Variants in KCNIP4 observed in about 807,000 individuals in gnomAD.
KCNIP4 encodes Kv channel-interacting protein 4.
A neutral mutation model predicts 34.0 loss-of-function variants in KCNIP4; 12 were observed. That is an observed-to-expected ratio of 0.35 (90% CI 0.23 to 0.57). The LOEUF is 0.57. Among genes scored for constraint, KCNIP4 ranks in the 20% least tolerant of loss-of-function variants. The pLI, the probability that KCNIP4 is intolerant of heterozygous loss-of-function variation, is 0.83. For missense variants in KCNIP4, 238 were observed against 311.7 expected, an observed-to-expected ratio of 0.76 and a Z score of 1.78; for synonymous variants, 124 against 102.2, an observed-to-expected ratio of 1.21 and a Z score of -1.29.
rs528849225 is a variant in KCNIP4, at chr4:21,487,784, T to C, written c.61+460787A>G. On this transcript the variant is annotated intron_variant, in intron 1 of 8. Coordinates refer to ENST00000382152, the MANE Select transcript of KCNIP4 (RefSeq NM_025221.6). ...CACATAGCTTATTTTATTGTGCAAA[T>C]TATCCCACCTTTGGTAGTTAGGAGC... Among the ~76,000 whole-genome samples the C allele has an allele frequency of 2.0e-5, 3 of 152,328 alleles. No homozygotes were observed. The East Asian group carries it at 5.8e-4, about 29-fold the overall frequency.
chr4:20,876,180 C>T (rs1724006137), intron 2 of KCNIP4, among the ~76,000 whole-genome samples: 1 of 151,980 alleles, frequency 6.6e-6, no homozygotes, highest in South Asian at 2.1e-4. Flanking sequence ...TGAACACATA[C>T]AAATATACAG....
At chr4:21,891,307 C>T (rs187035387) in intron 1 of KCNIP4, among the ~76,000 whole-genome samples, 1 of 152,088 alleles carries the variant, frequency 6.6e-6, no homozygotes, top group Non-Finnish European at 1.5e-5. Context: ...CTCACCTCCC[C>T]CCTTGCTCCT....
chr4:20,889,507 G>A (rs1207479300), intron 1 of KCNIP4, among the ~76,000 whole-genome samples: 1 of 152,048 alleles, frequency 6.6e-6, no homozygotes, highest in African/African-American at 2.4e-5. Context: ...AGATGCAACT[G>A]TATGAACTCT....
At chr4:21,016,360 C>G (rs1441433366) in intron 1 of KCNIP4, among the ~76,000 whole-genome samples, 1 of 150,660 alleles carries the variant, frequency 6.6e-6, no homozygotes, top group African/African-American at 2.4e-5. Flanking sequence ...ATGCAGTGGC[C>G]CAATCTCAGC....
At chr4:20,841,176 A>C (rs1360902370) in intron 3 of KCNIP4, among the ~76,000 whole-genome samples, 1 of 152,194 alleles carries the variant, frequency 6.6e-6, no homozygotes, top group Admixed American at 6.5e-5. Context: ...AGATGTGGAA[A>C]GAACTAAAAA....
intron 1 of KCNIP4, among the ~76,000 whole-genome samples, chr4:21,058,241 G>A (rs1421490638): frequency 6.6e-6 from 1 of 152,134 alleles, no homozygotes; most frequent in Admixed American, 6.6e-5. Context: ...GGCATATATG[G>A]TGAGTCCAAA....
rs191027848 is a variant in KCNIP4, at chr4:20,863,999, C to T, written c.164-13332G>A. Among the ~76,000 whole-genome samples the T allele has an allele frequency of 9.4e-3, 1,227 of 131,200 alleles. 14 individuals are homozygous for T. Among genetic ancestry groups the T allele is most frequent in the Middle Eastern group, 0.024 (6 of 248 alleles). The allele number at this position is 131,200 out of a possible 152,430, so 86.1% of individuals were successfully genotyped here. A position where few individuals can be genotyped will look rare whatever the true frequency, so the allele number is the denominator to read the frequency against. On this transcript the variant is annotated intron_variant, in intron 2 of 8. Transcript: ENST00000382152. Reference sequence around the variant, plus strand: ...ATATACATATGTATAACTAGATATACGTACATGTAAATGTGTGTATGTATA... The same window carrying T: ...ATATACATATGTATAACTAGATATATGTACATGTAAATGTGTGTATGTATA...
chr4:21,093,275 T>C (rs1346576266), intron 1 of KCNIP4, among the ~76,000 whole-genome samples: 3 of 152,182 alleles, frequency 2.0e-5, no homozygotes, highest in African/African-American at 4.8e-5. Context: ...GGCACCAAAT[T>C]TGCAGGAAAA....
chr4:21,312,769 A>G (rs1713324193), intron 1 of KCNIP4, among the ~76,000 whole-genome samples: 1 of 152,160 alleles, frequency 6.6e-6, no homozygotes, highest in African/African-American at 2.4e-5. Context: ...CAACTTTAGT[A>G]GAGACAGAGG....
chr4:21,194,766 T>C (rs994058077), intron 1 of KCNIP4, among the ~76,000 whole-genome samples: 2 of 152,172 alleles, frequency 1.3e-5, no homozygotes, highest in African/African-American at 2.4e-5. Context: ...TGGTGGAACA[T>C]CAGTCAGCCC....
chr4:21,025,437 A>G (rs1740434539), intron 1 of KCNIP4, among the ~76,000 whole-genome samples: 3 of 148,038 alleles, frequency 2.0e-5, no homozygotes, highest in Admixed American at 6.8e-5. Flanking sequence ...CCAGAAGTCA[A>G]GTGAACACCA....
intron 3 of KCNIP4, among the ~76,000 whole-genome samples, chr4:20,823,431 C>A (rs770923946): frequency 1.3e-5 from 2 of 151,974 alleles, no homozygotes; most frequent in Non-Finnish European, 2.9e-5. Flanking sequence ...GTGTGTGTGT[C>A]CCCTAACAGT....
intron 1 of KCNIP4, among the ~76,000 whole-genome samples, chr4:20,982,913 C>G (rs1434877513): frequency 2.0e-5 from 3 of 152,100 alleles, no homozygotes. Context: ...GAAATATTAG[C>G]AAGTATCTCA....
rs188236901 is a variant in KCNIP4, at chr4:21,818,354, T to A, written c.61+130217A>T. Among the ~76,000 whole-genome samples, 546 of 152,320 alleles carry A rather than the reference T, an allele frequency of 3.6e-3. 3 individuals are homozygous for A. Among genetic ancestry groups the A allele is most frequent in the African/African-American group, 0.011 (464 of 41,582 alleles). On this transcript the variant is annotated intron_variant, in intron 1 of 8. Coordinates refer to ENST00000382152, the MANE Select transcript of KCNIP4 (RefSeq NM_025221.6). ...CAAACTCAGCTTCATATTTTCTAACTTATATTGTAGAGATGCATGTTCATG... is the reference window on the plus strand; with the variant it reads ...CAAACTCAGCTTCATATTTTCTAACATATATTGTAGAGATGCATGTTCATG...
intron 1 of KCNIP4, among the ~76,000 whole-genome samples, chr4:21,263,033 T>C (rs921622912): frequency 2.0e-5 from 3 of 152,196 alleles, no homozygotes; most frequent in Non-Finnish European, 4.4e-5. Flanking sequence ...GCTGAATTCC[T>C]TCTTCCTGCT....
At chr4:20,828,381 C>T (rs1220949078) in intron 3 of KCNIP4, among the ~76,000 whole-genome samples, 3 of 152,152 alleles carry the variant, frequency 2.0e-5, no homozygotes, top group East Asian at 3.9e-4. Context: ...GACCCGAGAT[C>T]GTGCCACTGC....
chr4:21,703,985 G>A (rs569388785), intron 1 of KCNIP4, among the ~76,000 whole-genome samples: 1 of 152,126 alleles, frequency 6.6e-6, no homozygotes, highest in Non-Finnish European at 1.5e-5. Context: ...TGAGCACATG[G>A]TTCAGTGGTA....
chr4:21,534,837 T>G (rs1737015877), intron 1 of KCNIP4, among the ~76,000 whole-genome samples: 1 of 152,096 alleles, frequency 6.6e-6, no homozygotes, highest in African/African-American at 2.4e-5. Context: ...AGGACCTCCA[T>G]GAGGGGCAGA....
chr4:21,112,910 A>G (rs1458688896), intron 1 of KCNIP4, among the ~76,000 whole-genome samples: 1 of 151,994 alleles, frequency 6.6e-6, no homozygotes, highest in African/African-American at 2.4e-5. Context: ...CATCCCACTG[A>G]TATTAAGATA....
Sources: allele counts gnomAD v4.1 joint callset (sites outside exome capture counted in the v4.1 genomes callset), GRCh38; gene constraint gnomAD v4.1.1; transcripts MANE v1.5; gene names NCBI Gene and HGNC (gene_info 2026-07-23, HGNC 2026-07-21).